KCTD3: variants seen among roughly 807,000 people sequenced by gnomAD.
KCTD3 encodes BTB/POZ domain-containing protein KCTD3.
In KCTD3, 41 loss-of-function variants were observed where a neutral mutation model predicts 85.8. The ratio of observed to expected loss-of-function variants is 0.48; its 90% CI spans 0.37 to 0.62. The LOEUF (loss-of-function observed/expected upper bound fraction) is 0.62, where lower values mean the gene tolerates loss of function less well. Among genes scored for constraint, KCTD3 ranks in the 20% least tolerant of loss-of-function variants. KCTD3 has a pLI of 0.00. For missense variants in KCTD3, 724 were observed against 989.9 expected (o/e 0.73, Z 3.60); for synonymous variants, 338 against 345.4 (o/e 0.98, Z 0.24).
chr1:215,586,712 A>T (rs778771433), intron 9 of KCTD3, 27 bp downstream of exon 9: 1 of 1,558,736 alleles, frequency 6.4e-7, no homozygotes, highest in South Asian at 1.2e-5. Context: ...TTATGTTGCA[A>T]TTTGATGATA....
chr1:215,584,357 C>T (rs1051079073), intron 8 of KCTD3, among the ~76,000 whole-genome samples: 1 of 152,182 alleles, frequency 6.6e-6, no homozygotes, highest in African/African-American at 2.4e-5. Context: ...TCTTATTATA[C>T]TTGGCCTGAT....
chr1:215,608,976 T>C (rs537224348), intron 14 of KCTD3, among the ~76,000 whole-genome samples: 3 of 152,100 alleles, frequency 2.0e-5, no homozygotes, highest in East Asian at 1.9e-4. Flanking sequence ...GTTCTAGATA[T>C]TAGAAATTTT....
chr1:215,601,279 T>A (rs1481848170), intron 10 of KCTD3, among the ~76,000 whole-genome samples: 1 of 152,176 alleles, frequency 6.6e-6, no homozygotes, highest in Non-Finnish European at 1.5e-5. Context: ...ATTCCTATAC[T>A]TTAAAAAAAT....
intron 15 of KCTD3, among the ~76,000 whole-genome samples, chr1:215,617,557 A>C (rs942064346): frequency 6.6e-6 from 1 of 151,898 alleles, no homozygotes; most frequent in Admixed American, 6.6e-5. Context: ...TTCTGCCCCA[A>C]AATAGGCCAA....
At chr1:215,597,941 T>G (rs916364018) in intron 10 of KCTD3, among the ~76,000 whole-genome samples, 1 of 152,086 alleles carries the variant, frequency 6.6e-6, no homozygotes, top group African/African-American at 2.4e-5. Flanking sequence ...GTGGTCTGTT[T>G]GCTTACTTAC....
At chr1:215,570,253 G>C (rs1659311018) in intron 1 of KCTD3, among the ~76,000 whole-genome samples, 1 of 151,254 alleles carries the variant, frequency 6.6e-6, no homozygotes, top group Non-Finnish European at 1.5e-5. Flanking sequence ...TCCCTCAGGA[G>C]AATAGACATG....
intron 1 of KCTD3, among the ~76,000 whole-genome samples, chr1:215,569,125 C>CTTTTT (rs397964441): frequency 2.2e-5 from 3 of 139,070 alleles, no homozygotes; most frequent in African/African-American, 8.0e-5. Context: ...CTTTAATTTT[C>CTTTTT]TTTTTTTTTT....
At chr1:215,584,610 G>T (rs181220251) in intron 8 of KCTD3, among the ~76,000 whole-genome samples, 1 of 152,242 alleles carries the variant, frequency 6.6e-6, no homozygotes, top group South Asian at 2.1e-4. Flanking sequence ...ACTTACCCCA[G>T]ACAGGTCAGA....
chr1:215,580,904 T>A (rs531740900), intron 8 of KCTD3: 1 of 455,646 alleles, frequency 2.2e-6, no homozygotes, highest in South Asian at 1.6e-5. Flanking sequence ...AAGTGCTGTT[T>A]ATATCAGTAA....
intron 14 of KCTD3, among the ~76,000 whole-genome samples, chr1:215,610,184 A>G (rs1297798120): frequency 2.6e-5 from 4 of 151,906 alleles, no homozygotes; most frequent in African/African-American, 9.7e-5. Context: ...GGTGAAATCT[A>G]CATTGTAATG....
At chr1:215,590,474 C>T (rs1457407976) in intron 9 of KCTD3, among the ~76,000 whole-genome samples, 1 of 152,134 alleles carries the variant, frequency 6.6e-6, no homozygotes, top group Non-Finnish European at 1.5e-5. Context: ...CCTCTTCCTC[C>T]TTTTGAGCTT....
intron 8 of KCTD3, among the ~76,000 whole-genome samples, chr1:215,581,531 A>T (rs1222805539): frequency 4.6e-5 from 7 of 152,186 alleles, no homozygotes. Context: ...TCCAAGTGTA[A>T]CAGCATAACT....
chr1:215,621,629 T>G lies in KCTD3; in HGVS notation c.*1011T>G, dbSNP rs1216339708. On this transcript the variant is annotated 3_prime_UTR_variant, in exon 18 of 18. Coordinates refer to ENST00000259154, the MANE Select transcript of KCTD3 (RefSeq NM_016121.5). ...GATCTTCAGGTTTCTACAAATAGGG[T>G]AATTGTAAATTTAAAGCATTAGCAT... is the stretch of plus-strand genomic sequence containing the variant. 4 of 152,534 alleles carry G rather than the reference T, an allele frequency of 2.6e-5. No homozygotes were observed. The highest frequency in any genetic ancestry group is 5.9e-5 in the Non-Finnish European group (4 of 67,984). 9.4% of individuals were successfully genotyped at this position (152,534 alleles called of 1,614,324 possible). A position where few individuals can be genotyped will look rare whatever the true frequency, so the allele number is the denominator to read the frequency against.
chr1:215,594,329 G>A (rs1660329990), intron 9 of KCTD3, among the ~76,000 whole-genome samples: 1 of 152,200 alleles, frequency 6.6e-6, no homozygotes, highest in East Asian at 1.9e-4. Context: ...AGAGACAAGT[G>A]TATAAGGCCA....
At chr1:215,607,908 T>TCATTTGCCACTTATA (rs1407796395) in intron 13 of KCTD3, 109 bp from the exon 14 acceptor site, 1 of 707,222 alleles carries the variant, frequency 1.4e-6, no homozygotes, top group African/African-American at 1.8e-5. Flanking sequence ...GATAAATATG[T>TCATTTGCCACTTATA]CATTTGCCAC....
chr1:215,619,081 A>T lies in KCTD3; in HGVS notation c.1747+11A>T, dbSNP rs532160281. 3 of 1,609,430 alleles carry T rather than the reference A, an allele frequency of 1.9e-6. No homozygotes were observed. The highest frequency in any genetic ancestry group is 4.5e-5 in the East Asian group (2 of 44,794). On this transcript the variant is annotated intron_variant, in intron 16 of 17. Transcript: ENST00000259154. ...AAAGTGAAGATAAGGGTAGGTTCTC[A>T]TACAGAAAGATGTTTGTCACAAGGT...
chr1:215,620,547 T>C lies in KCTD3; in HGVS notation c.2377T>C (p.Ser793Pro). ...TGACTCACCTGGTACTGCGTCCCCA[T>C]CTCCTACAAAGACTACTCCATCTCC... is the stretch of plus-strand genomic sequence containing the variant. Reference protein sequence around the residue: ...GTDSPGTASPSPTKTTPSPRH... With the variant: ...GTDSPGTASPPPTKTTPSPRH... Residue 793 changes from serine to proline, a missense_variant, in exon 18 of 18, where the codon TCT becomes CCT. By Grantham distance (74) the Ser-to-Pro change is moderately conservative (BLOSUM62 -1). Transcript: ENST00000259154. 1 of 1,613,730 alleles carries C rather than the reference T, an allele frequency of 6.2e-7. No individual in the cohort carries two copies. The highest frequency in any genetic ancestry group is 8.5e-7 in the Non-Finnish European group (1 of 1,179,794).
intron 10 of KCTD3, among the ~76,000 whole-genome samples, chr1:215,598,355 G>A (rs193008966): frequency 2.3e-4 from 35 of 152,268 alleles, no homozygotes; most frequent in Middle Eastern, 6.8e-3. Flanking sequence ...TTCAAATTAG[G>A]AGTGAATTGA....
intron 1 of KCTD3, among the ~76,000 whole-genome samples, chr1:215,573,464 G>A (rs1358086690): frequency 1.3e-5 from 2 of 152,112 alleles, no homozygotes; most frequent in Non-Finnish European, 2.9e-5. Context: ...AATTTTGAAT[G>A]TTATACTGAG....
Sources: gnomAD v4.1 joint callset for allele counts (sites outside exome capture counted in the v4.1 genomes callset) on GRCh38, gnomAD v4.1.1 for gene constraint, MANE v1.5 for transcripts, NCBI Gene and HGNC (gene_info 2026-07-23, HGNC 2026-07-21) for gene names.